GPHB5: variants seen among roughly 807,000 people sequenced by gnomAD.
GPHB5 encodes glycoprotein hormone beta-5.
GPHB5 carries 7 observed loss-of-function variants against 10.1 expected under a neutral mutation model. The ratio of observed to expected loss-of-function variants is 0.69; its 90% CI spans 0.39 to 1.30. The LOEUF (loss-of-function observed/expected upper bound fraction) is 1.30, where lower values mean the gene tolerates loss of function less well. GPHB5 is among the 50% of genes most tolerant of loss of function. The probability of loss-of-function intolerance (pLI) is 0.01; values close to 1 mark genes in which losing one functional copy is unlikely to be tolerated. For missense variants in GPHB5, 161 were observed against 169.8 expected (o/e 0.95, Z 0.29); for synonymous variants, 68 against 70.1 (o/e 0.97, Z 0.15).
chr14:63,312,923 C>T lies in GPHB5; in HGVS notation c.*5G>A, dbSNP rs775051813. ...AGGTGGGTCTGCAGAGAGCAGCTAG[C>T]GGCCTCAGATGGTCTCACACTCCGT... On this transcript the variant is annotated 3_prime_UTR_variant, in exon 3 of 3. Transcript: ENST00000621500. 1.3e-4 allele frequency: 204 copies of T among 1,550,576 alleles called. No homozygotes were observed. Among genetic ancestry groups the T allele is most frequent in the Non-Finnish European group, 1.6e-4 (188 of 1,146,468 alleles).
intron 2 of GPHB5, among the ~76,000 whole-genome samples, chr14:63,316,409 A>G (rs1233920103): frequency 1.3e-5 from 2 of 152,216 alleles, no homozygotes; most frequent in African/African-American, 2.4e-5. Context: ...CCAGTCAACC[A>G]ACAAATGTGT....
intron 1 of GPHB5, 132 bp from the exon 2 acceptor site, chr14:63,317,982 G>A: frequency 1.3e-6 from 1 of 759,834 alleles, no homozygotes; most frequent in Non-Finnish European, 2.1e-6. Context: ...CCCAGAAATT[G>A]TAAATGCCCA....
At chr14:63,314,887 CTTTTTTTTTTCTTTTTTCTT>C (rs1177012753) in intron 2 of GPHB5, among the ~76,000 whole-genome samples, 49 of 143,530 alleles carry the variant, frequency 3.4e-4, no homozygotes, top group Middle Eastern at 3.7e-3. Context: ...GCAGCCTTAC[CTTTTTTTTTTCTTTTTTCTT>C]TTTTTTTTTT....
intron 2 of GPHB5, among the ~76,000 whole-genome samples, chr14:63,316,220 A>G (rs1435806333): frequency 6.6e-6 from 1 of 152,256 alleles, no homozygotes; most frequent in Non-Finnish European, 1.5e-5. Flanking sequence ...AGATTTCATC[A>G]CTATGACCCA....
intron 2 of GPHB5, among the ~76,000 whole-genome samples, chr14:63,316,506 C>T (rs1351590641): frequency 1.3e-5 from 2 of 152,074 alleles, no homozygotes; most frequent in African/African-American, 4.8e-5. Flanking sequence ...ATTTAAATCA[C>T]GCGTGTGGTG....
chr14:63,317,879 G>A (rs1218102581), intron 1 of GPHB5, 29 bp from the exon 2 acceptor site: 3 of 1,606,284 alleles, frequency 1.9e-6, no homozygotes, highest in Non-Finnish European at 2.6e-6. Context: ...AAAGGACAGA[G>A]TTTAACAGAT....
At chr14:63,318,110 A>C (rs1248129876) in intron 1 of GPHB5, among the ~76,000 whole-genome samples, 1 of 152,216 alleles carries the variant, frequency 6.6e-6, no homozygotes, top group East Asian at 1.9e-4. Flanking sequence ...TTGTAACTTA[A>C]CTGCTGCAGT....
intron 2 of GPHB5, among the ~76,000 whole-genome samples, 165 bp downstream of exon 2, chr14:63,317,481 A>G (rs1594787230): frequency 6.6e-6 from 1 of 152,188 alleles, no homozygotes; most frequent in Non-Finnish European, 1.5e-5. Context: ...TTTTCAAATC[A>G]CTTTTGGAAG....
At chr14:63,314,288 C>T (rs1250133395) in intron 2 of GPHB5, among the ~76,000 whole-genome samples, 3 of 144,434 alleles carry the variant, frequency 2.1e-5, no homozygotes, top group African/African-American at 8.1e-5. Flanking sequence ...GGAAAATCCA[C>T]TTAACTTCCT....
chr14:63,312,957 T>G lies in GPHB5; in HGVS notation c.364A>C (p.Thr122Pro). Reference sequence around the variant, plus strand: ...ATGGTCTCACACTCCGTGGTGGCAGTGGAGCAGGCTCCGCAGTCACAGCGG... The same window carrying G: ...ATGGTCTCACACTCCGTGGTGGCAGGGGAGCAGGCTCCGCAGTCACAGCGG... ...AIRCDCGACSTATTECETI is the reference protein window; with the variant it reads ...AIRCDCGACSPATTECETI The change falls in exon 3 of 3, where the codon ACT becomes CCT. Residue 122 changes from threonine (T) to proline (P), a missense_variant. Thr to Pro is a conservative substitution (Grantham distance 38). Transcript: ENST00000621500. 1 of 1,554,226 alleles carries G rather than the reference T, an allele frequency of 6.4e-7. No homozygotes were observed. Among genetic ancestry groups the G allele is most frequent in the Non-Finnish European group, 8.7e-7 (1 of 1,148,454 alleles).
intron 1 of GPHB5, 80 bp from the exon 2 acceptor site, chr14:63,317,930 C>G: frequency 3.1e-6 from 4 of 1,288,780 alleles, no homozygotes; most frequent in Non-Finnish European, 3.3e-6. Flanking sequence ...GCATTTGTCA[C>G]TATCAAAGGG....
In GPHB5 at chr14:63,313,095, AG is replaced by A. The variant is rs1566639983; in HGVS notation, c.225del (p.Tyr76IlefsTer17). On this transcript the variant is annotated frameshift_variant, in exon 3 of 3. Transcript: ENST00000621500. LOFTEE classifies it high-confidence loss of function. The part of the protein sequence containing the change: ...ETWEKPILEP[P>X]YIEAHHRVCT... ...CAGACTCGATGATGGGCTTCAATAT[AG>A]GGGGGTTCCAGAATGGGTTTCTGTC... 1.2e-6 allele frequency: 2 copies of A among 1,601,288 alleles called. No individual in the cohort carries two copies. Among genetic ancestry groups the A allele is most frequent in the Admixed American group, 1.7e-5 (1 of 58,094 alleles).
intron 2 of GPHB5, among the ~76,000 whole-genome samples, chr14:63,314,057 A>G (rs1285925406): frequency 6.6e-6 from 1 of 152,210 alleles, no homozygotes; most frequent in African/African-American, 2.4e-5. Context: ...GAAAGAAAAC[A>G]TTACAAGACA....
At chr14:63,317,495 C>G in intron 2 of GPHB5, 151 bp downstream of exon 2, 1 of 670,760 alleles carries the variant, frequency 1.5e-6, no homozygotes, top group East Asian at 2.7e-5. Context: ...TTGGAAGATG[C>G]CAATCATAGT....
chr14:63,315,154 A>G (rs575660831), intron 2 of GPHB5, among the ~76,000 whole-genome samples: 15 of 152,068 alleles, frequency 9.9e-5, no homozygotes, highest in Non-Finnish European at 2.1e-4. Context: ...TGACCTCATT[A>G]TCCACCCACC....
intron 2 of GPHB5, among the ~76,000 whole-genome samples, chr14:63,313,425 T>C (rs1364459140): frequency 6.6e-6 from 1 of 152,178 alleles, no homozygotes; most frequent in Non-Finnish European, 1.5e-5. Flanking sequence ...CCCTACAATC[T>C]ATTTGCAACA....
In GPHB5 at chr14:63,314,189, T is replaced by C. The variant is rs569567805; in HGVS notation, c.205-1073A>G. Among the ~76,000 whole-genome samples, 4 of 152,034 alleles carry C rather than the reference T, an allele frequency of 2.6e-5. No homozygotes were observed. The South Asian group carries it at 8.3e-4, about 32-fold the overall frequency. Reference sequence around the variant, plus strand: ...AACAGAACACACAGATCAGAAAAAATATCAGCACCTAGCTGGAGTTAAAAT... The same window carrying C: ...AACAGAACACACAGATCAGAAAAAACATCAGCACCTAGCTGGAGTTAAAAT... On this transcript the variant is annotated intron_variant, in intron 2 of 2. Coordinates refer to ENST00000621500, the MANE Select transcript of GPHB5 (RefSeq NM_145171.4).
At chr14:63,317,230 CA>C (rs769038487) in intron 2 of GPHB5, among the ~76,000 whole-genome samples, 3 of 152,038 alleles carry the variant, frequency 2.0e-5, no homozygotes, top group Non-Finnish European at 2.9e-5. Flanking sequence ...CTAATTTATC[CA>C]AAATGAGGAA....
chr14:63,317,864 GA>G lies in GPHB5; in HGVS notation c.-1-15del, dbSNP rs1441128884. The stretch of plus-strand genomic sequence containing the variant: ...GCCAGCTTCATGCTGCTCTTCCGGA[GA>G]GGGAAAGGACAGAGTTTAACAGATC... On this transcript the variant is annotated splice_polypyrimidine_tract_variant and intron_variant, in intron 1 of 2. Coordinates refer to ENST00000621500, the MANE Select transcript of GPHB5 (RefSeq NM_145171.4). 4 of 1,612,894 alleles carry G rather than the reference GA, an allele frequency of 2.5e-6. No individual in the cohort carries two copies. Among genetic ancestry groups the G allele is most frequent in the Non-Finnish European group, 3.4e-6 (4 of 1,179,224 alleles).
Sources: gnomAD v4.1 joint callset for allele counts (sites outside exome capture counted in the v4.1 genomes callset) on GRCh38, gnomAD v4.1.1 for gene constraint, MANE v1.5 for transcripts, NCBI Gene and HGNC (gene_info 2026-07-23, HGNC 2026-07-21) for gene names.